NDUFA10: variants seen among roughly 807,000 people sequenced by gnomAD.
NDUFA10 encodes NADH:ubiquinone oxidoreductase subunit A10.
Under a neutral mutation model 47.8 loss-of-function variants are expected in NDUFA10, and 40 were observed. That is an observed-to-expected ratio of 0.84 (90% CI 0.65 to 1.09). The LOEUF (loss-of-function observed/expected upper bound fraction) is 1.09. NDUFA10 is among the 50% of genes least tolerant of loss of function. The pLI is 0.00. For synonymous variants in NDUFA10, 183 were observed against 172.2 expected (o/e 1.06, Z -0.49); for missense variants, 413 against 451.1 (o/e 0.92, Z 0.76).
chr2:239,895,572 T>C (rs1693377282), intron 4 of NDUFA10, among the ~76,000 whole-genome samples: 1 of 152,252 alleles, frequency 6.6e-6, no homozygotes, highest in African/African-American at 2.4e-5. Context: ...TAATTTACCA[T>C]TGTTATTTGC....
At chr2:240,000,069 A>G (rs1489572238) in intron 8 of NDUFA10, among the ~76,000 whole-genome samples, 1 of 152,268 alleles carries the variant, frequency 6.6e-6, no homozygotes, top group African/African-American at 2.4e-5. Context: ...AGTCCAGCAC[A>G]TACAATTATG....
intron 4 of NDUFA10, among the ~76,000 whole-genome samples, chr2:239,920,701 G>A (rs1028235219): frequency 6.6e-6 from 1 of 152,328 alleles, no homozygotes; most frequent in African/African-American, 2.4e-5. Context: ...GCCTTTAAGG[G>A]AGGGGCTCCC....
chr2:239,930,755 G>A (rs575259275), intron 4 of NDUFA10, among the ~76,000 whole-genome samples: 6 of 152,128 alleles, frequency 3.9e-5, no homozygotes, highest in Non-Finnish European at 8.8e-5. Flanking sequence ...TGGAGGCCCC[G>A]GTGGATGGGT....
chr2:239,984,544 A>T (rs1290984652), intron 9 of NDUFA10, among the ~76,000 whole-genome samples: 1 of 152,252 alleles, frequency 6.6e-6, no homozygotes, highest in African/African-American at 2.4e-5. Flanking sequence ...ATTCTCTTTA[A>T]TGCTCACAAA....
chr2:239,897,411 G>GA (rs143906189), intron 4 of NDUFA10, among the ~76,000 whole-genome samples: 19,210 of 149,608 alleles, frequency 0.13, 1,324 homozygotes, highest in South Asian at 0.18. Context: ...TTCTTGAAGT[G>GA]AAAAAAAAAA....
Position 239,959,886 on chromosome 2 carries a change from G to A in NDUFA10, c.*1232C>T, listed in dbSNP as rs1351904022. 1.0e-6 allele frequency: 1 copy of A among 985,288 alleles called. No individual in the cohort carries two copies. The highest frequency in any genetic ancestry group is 6.2e-5 in the Admixed American group (1 of 16,252). The allele number at this position is 985,288 out of a possible 1,614,324, so 61.0% of individuals were successfully genotyped here. ...AAGGCAGGCGGACGCAAGGAGGGAAGGAGTGTGCATCTTCTTCGCATGCTC... is the reference window on the plus strand; with the variant it reads ...AAGGCAGGCGGACGCAAGGAGGGAAAGAGTGTGCATCTTCTTCGCATGCTC... On this transcript the variant is annotated 3_prime_UTR_variant, in exon 10 of 10. Transcript: ENST00000252711.
intron 4 of NDUFA10, among the ~76,000 whole-genome samples, chr2:239,911,858 C>A (rs1466769416): frequency 1.3e-5 from 2 of 152,042 alleles, no homozygotes; most frequent in Non-Finnish European, 2.9e-5. Context: ...CAGAAACAGA[C>A]TGAGACAAGA....
rs556923467 is a variant in NDUFA10 at position 239,958,696 on chromosome 2, A to C, written c.*2422T>G. On this transcript the variant is annotated 3_prime_UTR_variant, in exon 10 of 10. Transcript: ENST00000252711. The stretch of plus-strand genomic sequence containing the variant: ...GTAGCTGCATGTAATCTCTCCTAAG[A>C]AGCTCAATGTTCTTAACAATTTGGT... The C allele has an allele frequency of 1.3e-5, 2 of 157,192 alleles. No homozygotes were observed. The highest frequency in any genetic ancestry group is 3.8e-4 in the East Asian group (2 of 5,210). 9.7% of individuals were successfully genotyped at this position (157,192 alleles called of 1,614,324 possible). A position where few individuals can be genotyped will look rare whatever the true frequency, so the allele number is the denominator to read the frequency against.
chr2:239,909,168 C>A (rs1693704337), intron 4 of NDUFA10, among the ~76,000 whole-genome samples: 1 of 152,144 alleles, frequency 6.6e-6, no homozygotes, highest in South Asian at 2.1e-4. Context: ...AACAGATGGA[C>A]CCTAGAGGAA....
At chr2:239,969,163 A>G (rs535475168) in intron 9 of NDUFA10, among the ~76,000 whole-genome samples, 1 of 152,356 alleles carries the variant, frequency 6.6e-6, no homozygotes, top group Admixed American at 6.5e-5. Context: ...GGAAAATATC[A>G]AGCCAACTCA....
chr2:239,907,703 T>C (rs963584706), intron 4 of NDUFA10, among the ~76,000 whole-genome samples: 37 of 151,998 alleles, frequency 2.4e-4, no homozygotes, highest in Non-Finnish European at 4.6e-4. Context: ...TGAGATACCA[T>C]CTCACACCAG....
At chr2:239,982,919 T>C (rs901915054) in intron 9 of NDUFA10, among the ~76,000 whole-genome samples, 1 of 152,200 alleles carries the variant, frequency 6.6e-6, no homozygotes, top group African/African-American at 2.4e-5. Context: ...GGTGGCCAGA[T>C]AAAAGGAAGC....
intron 4 of NDUFA10, among the ~76,000 whole-genome samples, chr2:239,937,930 C>T (rs1016256035): frequency 1.3e-5 from 2 of 152,242 alleles, no homozygotes; most frequent in Non-Finnish European, 2.9e-5. Context: ...GCTCACAGCA[C>T]CCCAATGTGC....
chr2:239,986,290 G>A (rs1695999896), intron 9 of NDUFA10, among the ~76,000 whole-genome samples: 1 of 152,216 alleles, frequency 6.6e-6, no homozygotes, highest in Non-Finnish European at 1.5e-5. Flanking sequence ...ATGGAAAGCT[G>A]TTCTGCGGGA....
chr2:240,008,095 A>G (rs1170444086), intron 6 of NDUFA10, among the ~76,000 whole-genome samples: 6 of 152,228 alleles, frequency 3.9e-5, no homozygotes. Flanking sequence ...ATTACGTAGT[A>G]CAGGTAAAGT....
Position 239,959,140 on chromosome 2 carries a change from C to G in NDUFA10, c.*1978G>C. The G allele has an allele frequency of 1.0e-6, 1 of 985,462 alleles. No homozygotes were observed. Among genetic ancestry groups the G allele is most frequent in the Non-Finnish European group, 1.2e-6 (1 of 829,942 alleles). 61.0% of individuals were successfully genotyped at this position (985,462 alleles called of 1,614,324 possible). A position where few individuals can be genotyped will look rare whatever the true frequency, so the allele number is the denominator to read the frequency against. On this transcript the variant is annotated 3_prime_UTR_variant, in exon 10 of 10. Transcript: ENST00000252711. ...ATCAAACAGACGAATGTCCTCAGCACTACAAATTACATACTTCCCACTCCA... is the reference window on the plus strand; with the variant it reads ...ATCAAACAGACGAATGTCCTCAGCAGTACAAATTACATACTTCCCACTCCA...
At chr2:239,975,373 C>G (rs1040551664) in intron 9 of NDUFA10, among the ~76,000 whole-genome samples, 1 of 152,200 alleles carries the variant, frequency 6.6e-6, no homozygotes, top group Non-Finnish European at 1.5e-5. Flanking sequence ...AATGCGAGAA[C>G]AGCCTAATAC....
chr2:239,914,092 C>T (rs1220670405), intron 4 of NDUFA10, among the ~76,000 whole-genome samples: 1 of 152,134 alleles, frequency 6.6e-6, no homozygotes, highest in African/African-American at 2.4e-5. Context: ...GCAGGAGAAA[C>T]GGAGTTCACA....
At chr2:240,008,647 T>C (rs3792087) in intron 6 of NDUFA10, among the ~76,000 whole-genome samples, 28,012 of 152,204 alleles carry the variant, frequency 0.18, 2,867 homozygotes, top group African/African-American at 0.27. Flanking sequence ...CTATTTGACA[T>C]ATTTGCACAA....
Sources: gnomAD v4.1 joint callset for allele counts (sites outside exome capture counted in the v4.1 genomes callset) on GRCh38, gnomAD v4.1.1 for gene constraint, MANE v1.5 for transcripts, NCBI Gene and HGNC (gene_info 2026-07-23, HGNC 2026-07-21) for gene names.